SULT1C2: variants seen among roughly 807,000 people sequenced by gnomAD.
SULT1C2 encodes sulfotransferase 1C2.
In SULT1C2, 27 loss-of-function variants were observed where a neutral mutation model predicts 36.0. The observed-to-expected ratio is 0.75, with a 90% confidence interval of 0.55 to 1.03. SULT1C2 has a LOEUF of 1.03. SULT1C2 is among the 50% of genes least tolerant of loss of function. SULT1C2 has a pLI of 0.00. For synonymous variants in SULT1C2, 121 were observed against 116.0 expected (o/e 1.04, Z -0.27); for missense variants, 395 against 359.2 (o/e 1.10, Z -0.80).
chr2:108,303,327 G>A (rs1422192381), intron 4 of SULT1C2: 1 of 152,830 alleles, frequency 6.5e-6, no homozygotes. Flanking sequence ...GCCTCACAGG[G>A]AAGCAATGGG....
intron 2 of SULT1C2, 81 bp downstream of exon 2, chr2:108,293,899 G>A (rs1028745053): frequency 9.9e-5 from 153 of 1,538,570 alleles, no homozygotes; most frequent in Non-Finnish European, 1.2e-4. Context: ...CCCCTTCTTA[G>A]GAAACCTGCT....
chr2:108,300,887 C>T lies in SULT1C2; in HGVS notation c.327C>T (p.His109=), dbSNP rs748434273. 1.2e-6 allele frequency: 2 copies of T among 1,614,158 alleles called. No individual in the cohort carries two copies. Among genetic ancestry groups the T allele is most frequent in the East Asian group, 2.2e-5 (1 of 44,880 alleles). ...AMPSPRILKT[H]LSTQLLPPSF... Reference sequence around the variant, plus strand: ...CCTCTCCACGGATACTAAAGACTCACCTTTCCACTCAGCTGCTGCCACCGT... The same window carrying T: ...CCTCTCCACGGATACTAAAGACTCATCTTTCCACTCAGCTGCTGCCACCGT... Residue 109 remains histidine (H), a synonymous_variant, in exon 4 of 8, where the codon CAC becomes CAT. Coordinates refer to ENST00000251481, the MANE Select transcript of SULT1C2 (RefSeq NM_001056.4).
chr2:108,291,772 GAA>G (rs1219387860), intron 1 of SULT1C2, among the ~76,000 whole-genome samples: 1 of 152,064 alleles, frequency 6.6e-6, no homozygotes, highest in African/African-American at 2.4e-5. Context: ...AATTAAGAAA[GAA>G]AAAGAAAAGT....
intron 4 of SULT1C2, 100 bp from the exon 5 acceptor site, chr2:108,304,474 C>T: frequency 1.4e-6 from 2 of 1,394,144 alleles, no homozygotes; most frequent in South Asian, 2.9e-5. Flanking sequence ...AGAACTGAGC[C>T]AGAGTGCACA....
chr2:108,300,607 T>A (rs920943973), intron 3 of SULT1C2: 2 of 622,964 alleles, frequency 3.2e-6, no homozygotes, highest in Non-Finnish European at 5.0e-6. Flanking sequence ...TGTCACCTCA[T>A]CCTTAAAGTG....
chr2:108,297,596 C>G (rs963325584), intron 3 of SULT1C2, among the ~76,000 whole-genome samples: 2 of 152,140 alleles, frequency 1.3e-5, no homozygotes, highest in Non-Finnish European at 2.9e-5. Flanking sequence ...GCACACTCTC[C>G]ACGCTGTGCT....
chr2:108,306,811 C>G (rs1046109605), intron 7 of SULT1C2, among the ~76,000 whole-genome samples: 2 of 151,404 alleles, frequency 1.3e-5, no homozygotes, highest in African/African-American at 2.4e-5. Context: ...GAGGCTCATG[C>G]AGGAGAATCA....
intron 3 of SULT1C2, among the ~76,000 whole-genome samples, chr2:108,295,357 C>T (rs1182985416): frequency 2.0e-5 from 3 of 152,248 alleles, no homozygotes; most frequent in Non-Finnish European, 2.9e-5. Flanking sequence ...TCTGAAATAC[C>T]TGTGGGGCTC....
Position 108,296,303 on chromosome 2 carries a change from G to A in SULT1C2, c.277+1949G>A, listed in dbSNP as rs17036068. Among the ~76,000 whole-genome samples the A allele has an allele frequency of 7.0e-3, 1,072 of 152,316 alleles. 22 individuals carry two copies. In the East Asian group the frequency reaches 0.085, roughly 12 times the overall value. On this transcript the variant is annotated intron_variant, in intron 3 of 7. Transcript: ENST00000251481. Reference sequence around the variant, plus strand: ...TCCAGAGAAAGGATGGTAATCAAACGGCCAGCTTGGCATGTCATACAGAGG... The same window carrying A: ...TCCAGAGAAAGGATGGTAATCAAACAGCCAGCTTGGCATGTCATACAGAGG...
intron 1 of SULT1C2, among the ~76,000 whole-genome samples, chr2:108,289,951 C>T (rs1469229009): frequency 1.3e-5 from 2 of 152,214 alleles, no homozygotes; most frequent in Admixed American, 6.5e-5. Context: ...CCCTTAACCG[C>T]CCTGGTCCTC....
At position 108,304,704 on chromosome 2, in the gene SULT1C2, C is replaced by G. The variant is rs368960881; in HGVS notation, c.502+4C>G. 6.0e-5 allele frequency: 97 copies of G among 1,608,718 alleles called. No homozygotes were observed. The highest frequency in any genetic ancestry group is 8.2e-5 in the Non-Finnish European group (96 of 1,177,866). On this transcript the variant is annotated splice_donor_region_variant and intron_variant, in intron 5 of 7. Coordinates refer to ENST00000251481, the MANE Select transcript of SULT1C2 (RefSeq NM_001056.4). ...GAAACCTTCATCAATGGAAAAGGTA[C>G]GGGAACATCCTTCACACCCTTGCAT...
At chr2:108,294,375 C>T in intron 3 of SULT1C2, 21 bp downstream of exon 3, 1 of 1,601,188 alleles carries the variant, frequency 6.2e-7, no homozygotes, top group Non-Finnish European at 8.5e-7. Context: ...CTCCCTCTTT[C>T]TCTCTTCCTG....
chr2:108,301,317 C>A (rs918700740), intron 4 of SULT1C2: 1 of 169,132 alleles, frequency 5.9e-6, no homozygotes, highest in Non-Finnish European at 1.3e-5. Flanking sequence ...GGAGGCCAGG[C>A]GCGGTGGCTC....
chr2:108,307,530 T>G (rs1677055600), intron 7 of SULT1C2, among the ~76,000 whole-genome samples: 1 of 152,232 alleles, frequency 6.6e-6, no homozygotes, highest in Admixed American at 6.5e-5. Context: ...AATGTTTGTT[T>G]TTATGCATAA....
chr2:108,299,194 G>T (rs142248799), intron 3 of SULT1C2: 1 of 152,370 alleles, frequency 6.6e-6, no homozygotes, highest in Non-Finnish European at 1.5e-5. Context: ...TGAGCACTGG[G>T]TGTCCAGAGG....
chr2:108,289,731 GC>G (rs1453551429), intron 1 of SULT1C2, among the ~76,000 whole-genome samples: 1 of 152,146 alleles, frequency 6.6e-6, no homozygotes, highest in East Asian at 1.9e-4. Context: ...TGCTGATGTG[GC>G]CCAGCAATGA....
chr2:108,298,853 T>C (rs1194136229), intron 3 of SULT1C2: 1 of 192,694 alleles, frequency 5.2e-6, no homozygotes, highest in Non-Finnish European at 1.1e-5. Flanking sequence ...CCTGTCTTGA[T>C]CTCACACCTA....
rs2104424042 is a variant in SULT1C2 at position 108,305,479 on chromosome 2, T to C, written c.662T>C (p.Leu221Pro). 2.5e-6 allele frequency: 4 copies of C among 1,614,208 alleles called. No individual in the cohort carries two copies. In the South Asian group the frequency reaches 4.4e-5, roughly 18 times the overall value. The change falls in exon 7 of 8, where the codon CTA becomes CCA. Residue 221 changes from leucine (L) to proline (P), a missense_variant. Physicochemically the swap from Leu to Pro is moderately conservative, Grantham distance 98. Coordinates refer to ENST00000251481, the MANE Select transcript of SULT1C2 (RefSeq NM_001056.4). ...GGAAAGAAGGTGGATGAAACAGTGC[T>C]AGATAAAATTGTCCAGGAGACGTCA... ...FMGKKVDETV[L>P]DKIVQETSFE...
intron 1 of SULT1C2, among the ~76,000 whole-genome samples, chr2:108,292,441 C>CACAA (rs3220980): frequency 7.7e-6 from 1 of 129,256 alleles, no homozygotes; most frequent in African/African-American, 2.8e-5. Flanking sequence ...CACACACACA[C>CACAA]AATGCAAAAC....
Sources: gnomAD v4.1 joint callset for allele counts (sites outside exome capture counted in the v4.1 genomes callset) on GRCh38, gnomAD v4.1.1 for gene constraint, MANE v1.5 for transcripts, NCBI Gene and HGNC (gene_info 2026-07-23, HGNC 2026-07-21) for gene names.